Variants in CAPSL observed in about 807,000 individuals in gnomAD.
CAPSL encodes the protein calcyphosin-like protein.
Under a neutral mutation model 21.3 loss-of-function variants are expected in CAPSL, and 17 were observed. The ratio of observed to expected loss-of-function variants is 0.80; its 90% CI spans 0.55 to 1.20. CAPSL has a LOEUF of 1.20. Among genes scored for constraint, CAPSL ranks in the 50% most tolerant of loss-of-function variants. The pLI is 0.00. For missense variants in CAPSL, 289 were observed against 259.3 expected (o/e 1.11, Z -0.79); for synonymous variants, 102 against 89.3 (o/e 1.14, Z -0.80).
intron 2 of CAPSL, among the ~76,000 whole-genome samples, chr5:35,913,106 C>T (rs1330036866): frequency 6.6e-6 from 1 of 152,106 alleles, no homozygotes; most frequent in Non-Finnish European, 1.5e-5. Context: ...GAAAGGGTAT[C>T]AGTGATGGAA....
intron 2 of CAPSL, among the ~76,000 whole-genome samples, chr5:35,914,096 T>C (rs1283529316): frequency 6.6e-6 from 1 of 151,798 alleles, no homozygotes; most frequent in African/African-American, 2.4e-5. Flanking sequence ...ACAACAAAGA[T>C]AAAAAGAGAC....
At chr5:35,928,921 A>T (rs1427133114) in intron 1 of CAPSL, among the ~76,000 whole-genome samples, 1 of 152,178 alleles carries the variant, frequency 6.6e-6, no homozygotes, top group Non-Finnish European at 1.5e-5. Context: ...CTTGGTGTAG[A>T]TGCTGCGGCT....
At chr5:35,921,342 C>G (rs1159805726) in intron 1 of CAPSL, among the ~76,000 whole-genome samples, 2 of 152,180 alleles carry the variant, frequency 1.3e-5, no homozygotes, top group East Asian at 3.8e-4. Flanking sequence ...AGACAATAAT[C>G]TTAAATATAT....
At chr5:35,935,928 C>T (rs696732) in intron 1 of CAPSL, among the ~76,000 whole-genome samples, 34,313 of 152,102 alleles carry the variant, frequency 0.23, 4,235 homozygotes, top group Non-Finnish European at 0.28. Context: ...ATGTACTTAA[C>T]GGCAGACTGA....
intron 3 of CAPSL, 65 bp downstream of exon 3, chr5:35,910,301 G>A (rs750611783): frequency 2.6e-6 from 4 of 1,536,328 alleles, no homozygotes; most frequent in Non-Finnish European, 3.5e-6. Context: ...AAAACCTCAA[G>A]GTAGCCAACC....
chr5:35,937,351 C>A (rs1032459620), intron 1 of CAPSL, among the ~76,000 whole-genome samples: 1 of 152,222 alleles, frequency 6.6e-6, no homozygotes, highest in Non-Finnish European at 1.5e-5. Context: ...ATGTCTCCAG[C>A]CATTTCTAGT....
intron 1 of CAPSL, among the ~76,000 whole-genome samples, chr5:35,931,598 T>C (rs1287882294): frequency 2.6e-5 from 4 of 152,144 alleles, no homozygotes; most frequent in African/African-American, 7.2e-5. Context: ...TTGCTGTGCC[T>C]TGAGTCTCTG....
At chr5:35,916,168 A>G (rs1319871481) in intron 2 of CAPSL, among the ~76,000 whole-genome samples, 1 of 151,962 alleles carries the variant, frequency 6.6e-6, no homozygotes, top group Non-Finnish European at 1.5e-5. Flanking sequence ...GATGTGAAGG[A>G]CCTCTTCAAG....
chr5:35,923,016 T>C (rs1221148302), intron 1 of CAPSL, among the ~76,000 whole-genome samples: 2 of 151,636 alleles, frequency 1.3e-5, no homozygotes, highest in Non-Finnish European at 2.9e-5. Context: ...GTCAACAACA[T>C]GCCCTTCTCA....
intron 1 of CAPSL, among the ~76,000 whole-genome samples, chr5:35,936,645 A>G (rs1738954448): frequency 6.6e-6 from 1 of 152,136 alleles, no homozygotes; most frequent in Admixed American, 6.5e-5. Flanking sequence ...CTCAATGGCT[A>G]TAAATCTAAC....
chr5:35,931,700 T>C (rs950963492), intron 1 of CAPSL, among the ~76,000 whole-genome samples: 7 of 152,178 alleles, frequency 4.6e-5, no homozygotes, highest in African/African-American at 1.7e-4. Context: ...AGAAGCTACC[T>C]AAACTATGCA....
intron 1 of CAPSL, among the ~76,000 whole-genome samples, chr5:35,921,396 A>C (rs1738535481): frequency 1.3e-5 from 2 of 152,224 alleles, no homozygotes; most frequent in South Asian, 4.1e-4. Context: ...GCCCTCTTCC[A>C]TCCATAAAAG....
At position 35,910,554 on chromosome 5, in the gene CAPSL, T is replaced by C; in HGVS notation, c.138-11A>G. The C allele has an allele frequency of 6.4e-7, 1 of 1,568,374 alleles. No individual in the cohort carries two copies. The highest frequency in any genetic ancestry group is 8.7e-7 in the Non-Finnish European group (1 of 1,150,404). ...ATAATTCTAAACACTCTGAAGAAAA[T>C]ACACACAAAAATTCAGAAGAAATGT... On this transcript the variant is annotated splice_polypyrimidine_tract_variant and intron_variant, in intron 2 of 4. Transcript: ENST00000651391.
At chr5:35,912,556 A>G (rs1738258020) in intron 2 of CAPSL, among the ~76,000 whole-genome samples, 1 of 152,170 alleles carries the variant, frequency 6.6e-6, no homozygotes, top group African/African-American at 2.4e-5. Context: ...GTTCACCAAT[A>G]TCTGCTGTTC....
At chr5:35,921,332 A>C (rs1404284406) in intron 1 of CAPSL, among the ~76,000 whole-genome samples, 1 of 152,214 alleles carries the variant, frequency 6.6e-6, no homozygotes, top group Non-Finnish European at 1.5e-5. Flanking sequence ...TCTCCAGCCT[A>C]GACAATAATC....
At chr5:35,935,978 G>A (rs1407095515) in intron 1 of CAPSL, among the ~76,000 whole-genome samples, 1 of 152,170 alleles carries the variant, frequency 6.6e-6, no homozygotes, top group Non-Finnish European at 1.5e-5. Flanking sequence ...ATGGACAGGT[G>A]TCACTGTATT....
At chr5:35,905,591 A>G (rs1357743297) in intron 4 of CAPSL, among the ~76,000 whole-genome samples, 2 of 152,238 alleles carry the variant, frequency 1.3e-5, no homozygotes, top group Non-Finnish European at 2.9e-5. Context: ...ATACACATCT[A>G]CAATACATGC....
chr5:35,935,901 C>G (rs1738933998), intron 1 of CAPSL, among the ~76,000 whole-genome samples: 1 of 152,158 alleles, frequency 6.6e-6, no homozygotes, highest in South Asian at 2.1e-4. Flanking sequence ...TAACTTGGTT[C>G]AATTTGCCCA....
At chr5:35,910,848 A>T (rs1202370973) in intron 2 of CAPSL, among the ~76,000 whole-genome samples, 1 of 152,212 alleles carries the variant, frequency 6.6e-6, no homozygotes, top group Admixed American at 6.5e-5. Context: ...GGTCAAAGAA[A>T]CTATCCTTTA....
Sources: allele counts gnomAD v4.1 joint callset (sites outside exome capture counted in the v4.1 genomes callset), GRCh38; gene constraint gnomAD v4.1.1; transcripts MANE v1.5; gene names NCBI Gene and HGNC (gene_info 2026-07-23, HGNC 2026-07-21).